The following SECISBP2 variants were observed in gnomAD, a reference collection of about 807,000 sequenced individuals.
SECISBP2 encodes the protein SECIS binding protein 2, also known as selenocysteine insertion sequence-binding protein 2.
Under a neutral mutation model 98.2 loss-of-function variants are expected in SECISBP2, and 96 were observed. The ratio of observed to expected loss-of-function variants is 0.98; its 90% CI spans 0.83 to 1.16. The LOEUF (loss-of-function observed/expected upper bound fraction) is 1.16, where lower values mean the gene tolerates loss of function less well. Ranked by LOEUF, SECISBP2 falls within the 50% of genes most tolerant of loss-of-function variation. The pLI is 0.00. For synonymous variants in SECISBP2, 407 were observed against 370.2 expected, an observed-to-expected ratio of 1.10 and a Z score of -1.14; for missense variants, 1,046 against 1,022.9, an observed-to-expected ratio of 1.02 and a Z score of -0.31.
intron 5 of SECISBP2, among the ~76,000 whole-genome samples, chr9:89,330,766 A>G (rs963026598): frequency 2.6e-5 from 4 of 152,248 alleles, no homozygotes; most frequent in African/African-American, 9.6e-5. Context: ...CTGAATAGCC[A>G]CGGCGCTGCC....
At position 89,319,601 on chromosome 9, in the gene SECISBP2, A is replaced by G; in HGVS notation, c.37-51A>G. 3.1e-6 allele frequency: 5 copies of G among 1,605,652 alleles called. No homozygotes were observed. The South Asian group carries it at 3.3e-5, about 11-fold the overall frequency. On this transcript the variant is annotated intron_variant, in intron 1 of 16. Coordinates refer to ENST00000375807, the MANE Select transcript of SECISBP2 (RefSeq NM_024077.5). ...CTCTTGGGTCTTTTTGTTTGTTTAT[A>G]TTTGCTTGATCTCTGAATGTTTGTG...
chr9:89,318,567 G>C lies in SECISBP2; in HGVS notation c.-10G>C, dbSNP rs1410964181. Reference sequence around the variant, plus strand: ...GCCTCCGTGACGCGGCCTCCTCCGCGCCTCGCGGCATGGCGTCGGAGGGGC... The same window carrying C: ...GCCTCCGTGACGCGGCCTCCTCCGCCCCTCGCGGCATGGCGTCGGAGGGGC... On this transcript the variant is annotated 5_prime_UTR_variant, in exon 1 of 17. Transcript: ENST00000375807. 6.6e-7 allele frequency: 1 copy of C among 1,504,436 alleles called. No homozygotes were observed. The highest frequency in any genetic ancestry group is 2.1e-5 in the Admixed American group (1 of 47,954). The allele number at this position is 1,504,436 out of a possible 1,614,324, so 93.2% of individuals were successfully genotyped here. A position where few individuals can be genotyped will look rare whatever the true frequency, so the allele number is the denominator to read the frequency against.
intron 14 of SECISBP2, chr9:89,355,523 C>T: frequency 1.0e-6 from 1 of 974,360 alleles, no homozygotes; most frequent in Admixed American, 6.2e-5. Flanking sequence ...TGATTTGTAC[C>T]TTTTTTATAA....
intron 9 of SECISBP2, 33 bp from the exon 10 acceptor site, chr9:89,341,314 T>G (rs1448100831): frequency 6.3e-7 from 1 of 1,595,484 alleles, no homozygotes; most frequent in African/African-American, 1.3e-5. Flanking sequence ...TTGTATAGTT[T>G]TATAAGTAAA....
rs772733686 is a variant in SECISBP2 at position 89,339,851 on chromosome 9, G to A, written c.1213-13G>A. 5.6e-6 allele frequency: 9 copies of A among 1,600,278 alleles called. No individual in the cohort carries two copies. The East Asian group carries it at 1.6e-4, about 28-fold the overall frequency. ...ATTAACAAAAGAGCTAAAGGGGTGT[G>A]TGGTTTACTTAGGATGCCGAGGAAT... On this transcript the variant is annotated splice_polypyrimidine_tract_variant and intron_variant, in intron 8 of 16. Coordinates refer to ENST00000375807, the MANE Select transcript of SECISBP2 (RefSeq NM_024077.5).
intron 9 of SECISBP2, among the ~76,000 whole-genome samples, chr9:89,340,236 C>T (rs906937894): frequency 4.6e-5 from 7 of 152,094 alleles, no homozygotes; most frequent in East Asian, 1.9e-4. Flanking sequence ...GATCATACTG[C>T]CTTATGAAAC....
chr9:89,335,527 T>A (rs1285613669), intron 7 of SECISBP2, among the ~76,000 whole-genome samples: 1 of 152,080 alleles, frequency 6.6e-6, no homozygotes, highest in Non-Finnish European at 1.5e-5. Flanking sequence ...GAGATGGGGC[T>A]TCACCATATT....
At chr9:89,354,779 A>G in intron 14 of SECISBP2, 1 of 985,380 alleles carries the variant, frequency 1.0e-6, no homozygotes, top group South Asian at 4.7e-5. Flanking sequence ...CTCAAATAAC[A>G]TTTCAGATTC....
Position 89,359,339 on chromosome 9 carries a change from G to A in SECISBP2, c.*515G>A, listed in dbSNP as rs186867447. The A allele has an allele frequency of 1.1e-3, 173 of 156,630 alleles. No individual in the cohort carries two copies. The highest frequency in any genetic ancestry group is 4.0e-3 in the African/African-American group (166 of 41,570). The allele number at this position is 156,630 out of a possible 1,614,324, so 9.7% of individuals were successfully genotyped here. A position where few individuals can be genotyped will look rare whatever the true frequency, so the allele number is the denominator to read the frequency against. On this transcript the variant is annotated 3_prime_UTR_variant, in exon 17 of 17. Coordinates refer to ENST00000375807, the MANE Select transcript of SECISBP2 (RefSeq NM_024077.5). Reference sequence around the variant, plus strand: ...TACAGGGAAAGGGCCCTTTCTCAGGGGATGTAGCTTTTTTAAAAGATTTGG... The same window carrying A: ...TACAGGGAAAGGGCCCTTTCTCAGGAGATGTAGCTTTTTTAAAAGATTTGG...
downstream of SECISBP2, chr9:89,364,312 A>C: frequency 8.3e-6 from 3 of 361,768 alleles, no homozygotes; most frequent in Non-Finnish European, 1.6e-5. Flanking sequence ...TGCCACACAC[A>C]TGTCCTGTGA....
At chr9:89,356,304 C>T (rs537223686) in intron 14 of SECISBP2, among the ~76,000 whole-genome samples, 51 of 152,316 alleles carry the variant, frequency 3.3e-4, no homozygotes, top group Admixed American at 6.5e-4. Context: ...TTCCCCTGTC[C>T]GTGGAAAAAT....
chr9:89,332,823 A>C, intron 5 of SECISBP2, 85 bp from the exon 6 acceptor site: 1 of 1,070,592 alleles, frequency 9.3e-7, no homozygotes. Context: ...TCTGTTGTCA[A>C]AGTGTTCTGG....
chr9:89,364,290 C>G (rs1833233466), downstream of SECISBP2: 6 of 390,158 alleles, frequency 1.5e-5, no homozygotes, highest in South Asian at 1.3e-4. Flanking sequence ...TCCCACCCCA[C>G]CATGGCCCTG....
intron 13 of SECISBP2, among the ~76,000 whole-genome samples, chr9:89,350,379 C>G (rs1459234760): frequency 1.3e-5 from 2 of 152,152 alleles, no homozygotes; most frequent in African/African-American, 4.8e-5. Flanking sequence ...AGATGGGGAC[C>G]TGTGGCAAAC....
intron 2 of SECISBP2, among the ~76,000 whole-genome samples, chr9:89,320,203 A>G (rs1277172870): frequency 1.3e-4 from 20 of 151,978 alleles, no homozygotes; most frequent in Non-Finnish European, 1.5e-5. Flanking sequence ...CAAAAATACA[A>G]AAATTAATCA....
the SECISBP2 span, chr9:89,365,106 T>A: frequency 6.6e-6 from 1 of 152,366 alleles, no homozygotes; most frequent in Non-Finnish European, 1.5e-5. Context: ...TCCATTTTGA[T>A]CTGCTTCGCA....
rs769313577 is a variant in SECISBP2 at position 89,339,926 on chromosome 9, G to A, written c.1275G>A (p.Pro425=). 74 of 1,613,336 alleles carry A rather than the reference G, an allele frequency of 4.6e-5. 1 individual carries two copies. The highest frequency in any genetic ancestry group is 4.3e-4 in the Admixed American group (26 of 59,996). ...ASERRDRIET[P]KFQSKQQPQD... is the part of the protein sequence containing the mutation. ...AAAGAAGAGACAGAATAGAGACACCGAAATTTCAATCTAAGCAGCAGCCAC... is the reference window on the plus strand; with the variant it reads ...AAAGAAGAGACAGAATAGAGACACCAAAATTTCAATCTAAGCAGCAGCCAC... The change falls in exon 9 of 17, where the codon CCG becomes CCA. Residue 425 remains proline (P), a synonymous_variant. Transcript: ENST00000375807.
At chr9:89,352,536 G>A (rs1188970079) in intron 14 of SECISBP2, among the ~76,000 whole-genome samples, 3 of 152,164 alleles carry the variant, frequency 2.0e-5, no homozygotes, top group African/African-American at 4.8e-5. Context: ...CACTGGAAGT[G>A]CCTTGATCCT....
intron 2 of SECISBP2, chr9:89,323,137 A>G (rs573593220): frequency 4.6e-5 from 7 of 152,322 alleles, no homozygotes; most frequent in Non-Finnish European, 1.0e-4. Context: ...TAATTGTAGG[A>G]TCATACATGA....
Sources: allele counts gnomAD v4.1 joint callset (sites outside exome capture counted in the v4.1 genomes callset), GRCh38; gene constraint gnomAD v4.1.1; transcripts MANE v1.5; gene names NCBI Gene and HGNC (gene_info 2026-07-23, HGNC 2026-07-21).